Variants in CNTN5 observed in about 807,000 individuals in gnomAD.
CNTN5 encodes the protein contactin-5.
CNTN5 carries 77 observed loss-of-function variants against 129.1 expected under a neutral mutation model. That is an observed-to-expected ratio of 0.60 (90% CI 0.50 to 0.72). The LOEUF (loss-of-function observed/expected upper bound fraction) is 0.72, where lower values mean the gene tolerates loss of function less well. Ranked by LOEUF, CNTN5 falls within the 30% of genes least tolerant of loss-of-function variation. The probability of loss-of-function intolerance (pLI) is 0.00; values close to 1 mark genes in which losing one functional copy is unlikely to be tolerated. For synonymous variants in CNTN5, 509 were observed against 465.6 expected, an observed-to-expected ratio of 1.09 and a Z score of -1.20; for missense variants, 1,478 against 1,328.8, an observed-to-expected ratio of 1.11 and a Z score of -1.75.
At chr11:99,310,264 T>C (rs1201993494) in intron 1 of CNTN5, among the ~76,000 whole-genome samples, 2 of 152,144 alleles carry the variant, frequency 1.3e-5, no homozygotes, top group Non-Finnish European at 2.9e-5. Flanking sequence ...TAAAGAAATT[T>C]GGAAATATGC....
chr11:99,761,626 T>G (rs1056672619), intron 3 of CNTN5, among the ~76,000 whole-genome samples: 2 of 152,154 alleles, frequency 1.3e-5, no homozygotes, highest in African/African-American at 4.8e-5. Context: ...TAGTATTCCA[T>G]GGTGTATATG....
At chr11:99,963,431 C>A (rs1355361788) in intron 8 of CNTN5, among the ~76,000 whole-genome samples, 2 of 152,022 alleles carry the variant, frequency 1.3e-5, no homozygotes, top group African/African-American at 2.4e-5. Context: ...TTCCCCATTT[C>A]TTTTTTTGTC....
chr11:100,240,108 T>C (rs775260341), intron 16 of CNTN5, among the ~76,000 whole-genome samples: 1 of 152,120 alleles, frequency 6.6e-6, no homozygotes, highest in Non-Finnish European at 1.5e-5. Flanking sequence ...AGATGTTAAG[T>C]CAAGATAATA....
intron 3 of CNTN5, among the ~76,000 whole-genome samples, chr11:99,627,448 G>A (rs925585909): frequency 1.9e-5 from 2 of 106,390 alleles, no homozygotes; most frequent in Non-Finnish European, 4.4e-5. Flanking sequence ...GGAAAAATAT[G>A]GTTTTTAATG....
At chr11:99,586,171 C>T (rs1442457134) in intron 3 of CNTN5, among the ~76,000 whole-genome samples, 2 of 152,014 alleles carry the variant, frequency 1.3e-5, no homozygotes, top group South Asian at 2.1e-4. Flanking sequence ...TCTCTTTCAA[C>T]CCATCCTGAA....
intron 2 of CNTN5, among the ~76,000 whole-genome samples, chr11:99,437,947 A>G (rs564640099): frequency 2.0e-5 from 3 of 152,352 alleles, no homozygotes; most frequent in East Asian, 1.9e-4. Context: ...TATTTTCCAT[A>G]TATTAAAAAT....
chr11:99,573,259 A>G (rs985813053), intron 3 of CNTN5, among the ~76,000 whole-genome samples: 2 of 151,882 alleles, frequency 1.3e-5, no homozygotes, highest in African/African-American at 4.8e-5. Flanking sequence ...GCTATTCTAC[A>G]TGGTAGGAAC....
chr11:99,965,334 A>G (rs888883459), intron 8 of CNTN5, among the ~76,000 whole-genome samples: 4 of 151,008 alleles, frequency 2.6e-5, no homozygotes, highest in Admixed American at 2.0e-4. Flanking sequence ...TGCTTTGAAT[A>G]TGTCCCAGAG....
At chr11:99,026,658 T>C (rs1417105867) in intron 1 of CNTN5, among the ~76,000 whole-genome samples, 2 of 151,590 alleles carry the variant, frequency 1.3e-5, no homozygotes, top group Non-Finnish European at 3.0e-5. Context: ...GAAGGGGCCA[T>C]GCGAGCTCAT....
intron 3 of CNTN5, among the ~76,000 whole-genome samples, chr11:99,647,913 T>G (rs980801855): frequency 1.3e-5 from 2 of 151,980 alleles, no homozygotes; most frequent in Non-Finnish European, 2.9e-5. Context: ...TATTTATCAG[T>G]TCCCAAAGGT....
rs61042118 is a variant in CNTN5, at chr11:100,072,990, C to CAAAAAAAAAAAAAAAAAAAAA, written c.1430-1153_1430-1133dup. Among the ~76,000 whole-genome samples the CAAAAAAAAAAAAAAAAAAAAA allele has an allele frequency of 3.5e-4, 28 of 79,072 alleles. 2 individuals are homozygous for CAAAAAAAAAAAAAAAAAAAAA. The highest frequency in any genetic ancestry group is 1.5e-3 in the African/African-American group (25 of 16,522). 51.9% of individuals were successfully genotyped at this position (79,072 alleles called of 152,430 possible). ...TTTTGTAAATTCTATTCCCAGGAGG[C>CAAAAAAAAAAAAAAAAAAAAA]AAAAAAAAAAAAAAAAAAAAAGTTA... On this transcript the variant is annotated intron_variant, in intron 12 of 24. Coordinates refer to ENST00000524871, the MANE Select transcript of CNTN5 (RefSeq NM_014361.4).
At chr11:100,024,175 G>A (rs550581243) in intron 9 of CNTN5, among the ~76,000 whole-genome samples, 1 of 152,248 alleles carries the variant, frequency 6.6e-6, no homozygotes, top group East Asian at 1.9e-4. Flanking sequence ...CTGTTCTCAT[G>A]ATAGTGAGTG....
At chr11:99,278,489 A>T (rs1223741362) in intron 1 of CNTN5, among the ~76,000 whole-genome samples, 2 of 151,740 alleles carry the variant, frequency 1.3e-5, no homozygotes, top group African/African-American at 4.8e-5. Flanking sequence ...AATTTTTTGT[A>T]CTTGAGATTA....
chr11:99,916,839 C>G (rs1049897927), intron 7 of CNTN5, among the ~76,000 whole-genome samples: 1 of 151,820 alleles, frequency 6.6e-6, no homozygotes, highest in Non-Finnish European at 1.5e-5. Flanking sequence ...TTAAGAGTGA[C>G]CAGCATCAGT....
intron 8 of CNTN5, among the ~76,000 whole-genome samples, chr11:99,997,589 G>T (rs1237820058): frequency 1.3e-5 from 2 of 152,072 alleles, no homozygotes; most frequent in Non-Finnish European, 2.9e-5. Flanking sequence ...AGGAGGAACT[G>T]GTACCATTTC....
chr11:99,179,420 C>A (rs917547862), intron 1 of CNTN5, among the ~76,000 whole-genome samples: 1 of 151,364 alleles, frequency 6.6e-6, no homozygotes, highest in South Asian at 2.1e-4. Context: ...CCAGCCTGAG[C>A]GATAAAGCGA....
chr11:99,516,286 T>C (rs1028416029), intron 2 of CNTN5, among the ~76,000 whole-genome samples: 4 of 152,114 alleles, frequency 2.6e-5, no homozygotes, highest in Non-Finnish European at 4.4e-5. Flanking sequence ...ATTTCTAATA[T>C]GTAGAATTTT....
chr11:100,340,331 A>G (rs1316572011), intron 21 of CNTN5, 132 bp from the exon 22 acceptor site: 2 of 615,986 alleles, frequency 3.2e-6, no homozygotes, highest in African/African-American at 3.7e-5. Flanking sequence ...AGACCTGTTA[A>G]TTGGGTGATA....
chr11:99,470,519 T>G (rs111821915), intron 2 of CNTN5, among the ~76,000 whole-genome samples: 62 of 152,178 alleles, frequency 4.1e-4, no homozygotes, highest in African/African-American at 1.4e-3. Context: ...TTTCTTCCCC[T>G]TTCTCTACAC....
Sources: allele counts gnomAD v4.1 joint callset (sites outside exome capture counted in the v4.1 genomes callset), GRCh38; gene constraint gnomAD v4.1.1; transcripts MANE v1.5; gene names NCBI Gene and HGNC (gene_info 2026-07-23, HGNC 2026-07-21).